The following NHS variants were observed in gnomAD, a reference collection of about 807,000 sequenced individuals.
NHS encodes the protein actin remodeling regulator NHS.
NHS carries 5 observed loss-of-function variants against 72.5 expected under a neutral mutation model. The observed-to-expected ratio is 0.07, with a 90% CI of 0.04 to 0.14. The LOEUF (loss-of-function observed/expected upper bound fraction) is 0.14, where lower values mean the gene tolerates loss of function less well. Ranked by LOEUF, NHS falls within the 10% of genes least tolerant of loss-of-function variation. NHS has a pLI of 1.00. For synonymous variants in NHS, 464 were observed against 547.7 expected (o/e 0.85, Z 2.13); for missense variants, 1,072 against 1,355.7 (o/e 0.79, Z 3.29).
At chrX:17,592,065 T>A (rs1269335851) in intron 1 of NHS, among the ~76,000 whole-genome samples, 2 of 111,682 alleles carry the variant, frequency 1.8e-5, no homozygotes, top group Non-Finnish European at 1.9e-5. Flanking sequence ...CACATATGTA[T>A]AATAGTGTGC....
chrX:17,715,673 T>C (rs1461683052), intron 3 of NHS, among the ~76,000 whole-genome samples: 2 of 111,276 alleles, frequency 1.8e-5, no homozygotes, highest in African/African-American at 6.6e-5. Flanking sequence ...TGGGGGTTTG[T>C]TGTACAGATT....
chrX:17,498,364 C>T (rs2065022576), intron 1 of NHS, among the ~76,000 whole-genome samples: 1 of 111,175 alleles, frequency 9.0e-6, no homozygotes, highest in East Asian at 2.9e-4. Flanking sequence ...CCCACACCTG[C>T]CTCTATCTGA....
intron 1 of NHS, among the ~76,000 whole-genome samples, chrX:17,457,201 A>G (rs2064828950): frequency 8.9e-6 from 1 of 112,313 alleles, no homozygotes. Flanking sequence ...ATGAGGAAAC[A>G]GAAGAACAGA....
chrX:17,721,907 T>C (rs979216798), intron 5 of NHS, among the ~76,000 whole-genome samples: 1 of 111,619 alleles, frequency 9.0e-6, no homozygotes, highest in African/African-American at 3.3e-5. Flanking sequence ...ACTGAAATAA[T>C]GGAGAAAGCG....
intron 1 of NHS, among the ~76,000 whole-genome samples, chrX:17,507,288 T>C (rs1195976705): frequency 1.8e-5 from 2 of 112,201 alleles, no homozygotes; most frequent in Non-Finnish European, 3.8e-5. Flanking sequence ...GGAGAGATAA[T>C]GTTACTGATG....
chrX:17,723,726 GGTGTGTGTGTGTGT>G (rs3222310), intron 5 of NHS, among the ~76,000 whole-genome samples: 11 of 71,075 alleles, frequency 1.5e-4, no homozygotes, highest in African/African-American at 3.5e-4. Flanking sequence ...CAGCAAAAGA[GGTGTGTGTGTGTGT>G]GTGTGTGTGT....
chrX:17,577,575 A>T (rs2065518771), intron 1 of NHS, among the ~76,000 whole-genome samples: 1 of 111,764 alleles, frequency 8.9e-6, no homozygotes, highest in Admixed American at 9.5e-5. Flanking sequence ...AGTGGATTAA[A>T]TATCCACTTT....
chrX:17,572,717 C>T (rs1296324735), intron 1 of NHS, among the ~76,000 whole-genome samples: 3 of 110,298 alleles, frequency 2.7e-5, no homozygotes, highest in Admixed American at 9.6e-5. Context: ...TTGATCCTGT[C>T]GCTATGATGC....
chrX:17,508,734 T>C (rs1261459346), intron 1 of NHS, among the ~76,000 whole-genome samples: 2 of 112,234 alleles, frequency 1.8e-5, no homozygotes, highest in Non-Finnish European at 3.8e-5. Flanking sequence ...CCTCCCAAAG[T>C]GCTGGGATTA....
At chrX:17,688,001 G>A in intron 2 of NHS, 107 bp downstream of exon 2, 1 of 916,210 alleles carries the variant, frequency 1.1e-6, no homozygotes, top group Non-Finnish European at 1.5e-6. Flanking sequence ...ATTATAGCAA[G>A]TACTTTGAAA....
intron 1 of NHS, among the ~76,000 whole-genome samples, chrX:17,538,726 G>A (rs1394784093): frequency 8.9e-6 from 1 of 112,152 alleles, no homozygotes; most frequent in Non-Finnish European, 1.9e-5. Context: ...TCCTTAGCTT[G>A]TGGGGAAGCC....
chrX:17,444,143 G>A (rs1480724276), intron 1 of NHS, among the ~76,000 whole-genome samples: 1 of 111,867 alleles, frequency 8.9e-6, no homozygotes, highest in Admixed American at 9.5e-5. Flanking sequence ...CCACACATAT[G>A]CATTAGTACA....
intron 3 of NHS, among the ~76,000 whole-genome samples, chrX:17,697,936 A>T (rs1289854021): frequency 9.0e-6 from 1 of 110,930 alleles, no homozygotes; most frequent in Non-Finnish European, 1.9e-5. Flanking sequence ...AGCAAAAAAA[A>T]AAAAAATACA....
At chrX:17,728,869 T>G in intron 8 of NHS, 94 bp downstream of exon 8, 3 of 1,096,364 alleles carry the variant, frequency 2.7e-6, no homozygotes, top group Non-Finnish European at 3.8e-6. Flanking sequence ...CAGGAAAGCT[T>G]TTTGTAATTG....
chrX:17,670,895 C>T lies in NHS; in HGVS notation c.566-16847C>T, dbSNP rs185217685. ...TACTCTTTGAGGTTATGGAGTAGCC[C>T]GTTCCTTTTCTGATCATGATCTTTG... On this transcript the variant is annotated intron_variant, in intron 1 of 8. Coordinates refer to ENST00000676302, the MANE Select transcript of NHS (RefSeq NM_001291867.2). Among the ~76,000 whole-genome samples the T allele has an allele frequency of 1.5e-3, 173 of 112,305 alleles. 1 individual carries two copies. The highest frequency in any genetic ancestry group is 5.1e-3 in the African/African-American group (158 of 30,937).
At chrX:17,464,877 G>C (rs753785042) in intron 1 of NHS, among the ~76,000 whole-genome samples, 1 of 112,188 alleles carries the variant, frequency 8.9e-6, no homozygotes, top group Non-Finnish European at 1.9e-5. Flanking sequence ...TCATGGTAGC[G>C]GTGCATCTGT....
intron 1 of NHS, among the ~76,000 whole-genome samples, chrX:17,401,037 G>T: frequency 8.9e-6 from 1 of 112,302 alleles, no homozygotes; most frequent in Non-Finnish European, 1.9e-5. Flanking sequence ...GTGTAAGGAT[G>T]CAGATATAGA....
At chrX:17,423,625 G>T (rs1228582598) in intron 1 of NHS, among the ~76,000 whole-genome samples, 1 of 111,706 alleles carries the variant, frequency 9.0e-6, no homozygotes, top group East Asian at 2.8e-4. Context: ...TCCCAGCCCA[G>T]TTTCTGGCAA....
chrX:17,590,879 A>G (rs964677826), intron 1 of NHS, among the ~76,000 whole-genome samples: 1 of 111,943 alleles, frequency 8.9e-6, no homozygotes, highest in Admixed American at 9.5e-5. Context: ...AATCTTAGTA[A>G]TTTTCTCTGA....
Sources: allele counts gnomAD v4.1 joint callset (sites outside exome capture counted in the v4.1 genomes callset), GRCh38; gene constraint gnomAD v4.1.1; transcripts MANE v1.5; gene names NCBI Gene and HGNC (gene_info 2026-07-23, HGNC 2026-07-21).